The following MINAR1 variants were observed in gnomAD, a reference collection of about 807,000 sequenced individuals.
MINAR1 encodes major intrinsically disordered Notch2-binding receptor 1.
In MINAR1, 40 loss-of-function variants were observed where a neutral mutation model predicts 65.1. The ratio of observed to expected loss-of-function variants is 0.61; its 90% CI spans 0.48 to 0.80. MINAR1 has a LOEUF of 0.80. Ranked by LOEUF, MINAR1 falls within the 30% of genes least tolerant of loss-of-function variation. The pLI is 0.00. For missense variants in MINAR1, 1,128 were observed against 1,148.0 expected, an observed-to-expected ratio of 0.98 and a Z score of 0.25; for synonymous variants, 482 against 449.1, an observed-to-expected ratio of 1.07 and a Z score of -0.93.
At chr15:79,444,140 G>A (rs1591668) in intron 1 of MINAR1, among the ~76,000 whole-genome samples, 2 of 152,072 alleles carry the variant, frequency 1.3e-5, no homozygotes, top group Admixed American at 1.3e-4. Flanking sequence ...GACAAGTTAC[G>A]GACCTGCTCT....
chr15:79,453,090 A>G (rs12915237), intron 1 of MINAR1, among the ~76,000 whole-genome samples: 40,455 of 151,570 alleles, frequency 0.27, 6,317 homozygotes, highest in East Asian at 0.55. Context: ...ACTGTGATGC[A>G]TTATGCTCTG....
At chr15:79,435,276 C>A (rs1327725913) in intron 1 of MINAR1, among the ~76,000 whole-genome samples, 12 of 140,934 alleles carry the variant, frequency 8.5e-5, no homozygotes, top group South Asian at 2.3e-4. Context: ...AAATCCGTCT[C>A]AAAAAAAAAA....
chr15:79,430,795 A>G (rs545348830), upstream of MINAR1, among the ~76,000 whole-genome samples: 1 of 152,340 alleles, frequency 6.6e-6, no homozygotes, highest in Admixed American at 6.5e-5. Context: ...GAGCTCTGGG[A>G]AAATCTAGTT....
At chr15:79,436,752 G>A (rs947306614) in intron 1 of MINAR1, among the ~76,000 whole-genome samples, 5 of 152,322 alleles carry the variant, frequency 3.3e-5, no homozygotes, top group Middle Eastern at 6.8e-3. Flanking sequence ...GAACACAACT[G>A]TATGATTTTT....
intron 1 of MINAR1, among the ~76,000 whole-genome samples, chr15:79,437,287 G>A (rs1211623068): frequency 1.3e-5 from 2 of 152,214 alleles, no homozygotes; most frequent in African/African-American, 4.8e-5. Context: ...AGTGCAGAAT[G>A]GGGAGGAGTG....
chr15:79,443,325 A>G (rs1383410793), intron 1 of MINAR1, among the ~76,000 whole-genome samples: 2 of 152,190 alleles, frequency 1.3e-5, no homozygotes, highest in Non-Finnish European at 1.5e-5. Context: ...TCCCTTGATA[A>G]GAAGAGTGGT....
At chr15:79,441,900 A>G (rs1445905080) in intron 1 of MINAR1, among the ~76,000 whole-genome samples, 1 of 152,086 alleles carries the variant, frequency 6.6e-6, no homozygotes, top group Non-Finnish European at 1.5e-5. Context: ...ACTTTGCTTT[A>G]TTTATGATGT....
Position 79,432,541 on chromosome 15 carries a change from G to T in MINAR1, c.-51+1G>T, listed in dbSNP as rs1894472386. The T allele has an allele frequency of 6.6e-6, 1 of 152,554 alleles. No homozygotes were observed. The highest frequency in any genetic ancestry group is 1.5e-5 in the Non-Finnish European group (1 of 68,314). The allele number at this position is 152,554 out of a possible 1,614,324, so 9.5% of individuals were successfully genotyped here. A position where few individuals can be genotyped will look rare whatever the true frequency, so the allele number is the denominator to read the frequency against. On this transcript the variant is annotated splice_donor_variant, in intron 1 of 3. Transcript: ENST00000305428. LOFTEE classifies it low-confidence loss of function (5UTR_SPLICE). ...GCCCTGCGCCCGGGGCGCCTCGGAGGTAAGTTCGGAGAGCCCGGGCCGGGC... is the reference window on the plus strand; with the variant it reads ...GCCCTGCGCCCGGGGCGCCTCGGAGTTAAGTTCGGAGAGCCCGGGCCGGGC...
At chr15:79,461,679 T>A (rs1895644764) in intron 2 of MINAR1, among the ~76,000 whole-genome samples, 1 of 152,232 alleles carries the variant, frequency 6.6e-6, no homozygotes, top group African/African-American at 2.4e-5. Context: ...TATGCTCTAT[T>A]TGGGTAAGAG....
At chr15:79,442,079 T>C (rs1005455747) in intron 1 of MINAR1, among the ~76,000 whole-genome samples, 4 of 151,652 alleles carry the variant, frequency 2.6e-5, no homozygotes, top group African/African-American at 9.7e-5. Flanking sequence ...TTTTTTTATG[T>C]TTACTGACAT....
the MINAR1 span, chr15:79,421,816 G>A: frequency 6.6e-6 from 1 of 152,320 alleles, no homozygotes; most frequent in African/African-American, 2.4e-5. Context: ...CTTCTCCAGG[G>A]AAGGCAACAT....
rs1895235540 is a variant in MINAR1, at chr15:79,452,308, GTGTC to G, written c.-50-3787_-50-3784del. On this transcript the variant is annotated intron_variant, in intron 1 of 3. Transcript: ENST00000305428. The stretch of plus-strand genomic sequence containing the variant: ...AGTGTGAAGCTGGGAAGCTGTGCAA[GTGTC>G]TGGATGTGTGTGTCTGGATGAGTGT... Among the ~76,000 whole-genome samples the G allele has an allele frequency of 2.0e-5, 3 of 152,162 alleles. No homozygotes were observed. In the South Asian group the frequency reaches 6.3e-4, roughly 32 times the overall value.
chr15:79,462,580 G>A (rs1895685533), intron 2 of MINAR1, among the ~76,000 whole-genome samples: 1 of 152,142 alleles, frequency 6.6e-6, no homozygotes, highest in African/African-American at 2.4e-5. Context: ...GTAGCATCAG[G>A]GTTTTCAGCG....
rs1390252823 is a variant in MINAR1, at chr15:79,469,169, A to C, written c.*785A>C. The C allele has an allele frequency of 6.6e-6, 1 of 152,352 alleles. No individual in the cohort carries two copies. Among genetic ancestry groups the C allele is most frequent in the Admixed American group, 6.6e-5 (1 of 15,264 alleles). 9.4% of individuals were successfully genotyped at this position (152,352 alleles called of 1,614,324 possible). A position where few individuals can be genotyped will look rare whatever the true frequency, so the allele number is the denominator to read the frequency against. ...AGGTCAGTATTTGAAAATCATGGCC[A>C]CTCCAAAGGATCTCCTGTTCTTGCT... On this transcript the variant is annotated 3_prime_UTR_variant, in exon 4 of 4. Transcript: ENST00000305428.
In MINAR1 at chr15:79,468,619, T is replaced by C. The variant is rs1895961125; in HGVS notation, c.*235T>C. 2 of 529,502 alleles carry C rather than the reference T, an allele frequency of 3.8e-6. No individual in the cohort carries two copies. The highest frequency in any genetic ancestry group is 7.1e-5 in the Admixed American group (2 of 28,186). The allele number at this position is 529,502 out of a possible 1,614,324, so 32.8% of individuals were successfully genotyped here. A position where few individuals can be genotyped will look rare whatever the true frequency, so the allele number is the denominator to read the frequency against. On this transcript the variant is annotated 3_prime_UTR_variant, in exon 4 of 4. Coordinates refer to ENST00000305428, the MANE Select transcript of MINAR1 (RefSeq NM_015206.3). ...CGCATTTTTAGAAGTGCAATATCTT[T>C]TCCTACCAAAAGAACATCATGGACT...
At position 79,469,785 on chromosome 15, in the gene MINAR1, C is replaced by T. The variant is rs553582010; in HGVS notation, c.*1401C>T. On this transcript the variant is annotated 3_prime_UTR_variant, in exon 4 of 4. Transcript: ENST00000305428. Reference sequence around the variant, plus strand: ...TCAAAGAAAAAAGGATTGACAGAAACTAGCTACCTTATATATATTTTTTGA... The same window carrying T: ...TCAAAGAAAAAAGGATTGACAGAAATTAGCTACCTTATATATATTTTTTGA... 1 of 152,694 alleles carries T rather than the reference C, an allele frequency of 6.5e-6. No homozygotes were observed. Among genetic ancestry groups the T allele is most frequent in the Non-Finnish European group, 1.5e-5 (1 of 68,014 alleles). 9.5% of individuals were successfully genotyped at this position (152,694 alleles called of 1,614,324 possible).
rs1025235904 is a variant in MINAR1, at chr15:79,469,626, G to T, written c.*1242G>T. ...TCTCTGTTAAATAACTTGAGAGCAA[G>T]GTTTCTTTCGTGTAAAAGAAGCTGT... On this transcript the variant is annotated 3_prime_UTR_variant, in exon 4 of 4. Coordinates refer to ENST00000305428, the MANE Select transcript of MINAR1 (RefSeq NM_015206.3). 3 of 152,462 alleles carry T rather than the reference G, an allele frequency of 2.0e-5. No individual in the cohort carries two copies. Among genetic ancestry groups the T allele is most frequent in the African/African-American group, 7.2e-5 (3 of 41,400 alleles). 9.4% of individuals were successfully genotyped at this position (152,462 alleles called of 1,614,324 possible).
rs776871454 is a variant in MINAR1, at chr15:79,456,172, C to A, written c.25C>A (p.Leu9Ile). Residue 9 changes from leucine (L) to isoleucine (I), a missense_variant, in exon 2 of 4, where the codon CTC (leucine) becomes ATC (isoleucine). Transcript: ENST00000305428. METSQETSLFLVKILEELD... is the reference protein window; with the variant it reads METSQETSIFLVKILEELD... ...CATGGAGACCAGTCAGGAAACTTCC[C>A]TCTTCTTGGTGAAGATCTTGGAGGA... is the stretch of plus-strand genomic sequence containing the variant. 6.2e-7 allele frequency: 1 copy of A among 1,613,664 alleles called. No individual in the cohort carries two copies. Among genetic ancestry groups the A allele is most frequent in the East Asian group, 2.2e-5 (1 of 44,852 alleles).
chr15:79,458,231 G>A lies in MINAR1; in HGVS notation c.2084G>A (p.Arg695Gln), dbSNP rs972825369. 2.8e-5 allele frequency: 45 copies of A among 1,614,014 alleles called. No homozygotes were observed. The highest frequency in any genetic ancestry group is 3.4e-5 in the Non-Finnish European group (40 of 1,180,014). Residue 695 changes from arginine to glutamine, a missense_variant, in exon 2 of 4, where the codon CGG becomes CAG. By Grantham distance (43) the Arg-to-Gln change is conservative (BLOSUM62 1). Transcript: ENST00000305428. The stretch of plus-strand genomic sequence containing the variant: ...AGCGGGAGCAACAGTGAAAGCCTGC[G>A]GGTCAAGGCCTTAAAAAAAAGCCTC... ...DASGSNSESL[R>Q]VKALKKSLFT...
Sources: gnomAD v4.1 joint callset for allele counts (sites outside exome capture counted in the v4.1 genomes callset) on GRCh38, gnomAD v4.1.1 for gene constraint, MANE v1.5 for transcripts, NCBI Gene and HGNC (gene_info 2026-07-23, HGNC 2026-07-21) for gene names.